The following TGM7 variants were observed in gnomAD, a reference collection of about 807,000 sequenced individuals.
TGM7 encodes transglutaminase 7.
Under a neutral mutation model 79.5 loss-of-function variants are expected in TGM7, and 74 were observed. That is an observed-to-expected ratio of 0.93 (90% CI 0.77 to 1.13). The LOEUF is 1.13. TGM7 is among the 50% of genes most tolerant of loss of function. TGM7 has a pLI of 0.00. For missense variants in TGM7, 912 were observed against 905.9 expected, an observed-to-expected ratio of 1.01 and a Z score of -0.09; for synonymous variants, 354 against 362.5, an observed-to-expected ratio of 0.98 and a Z score of 0.27.
intron 7 of TGM7, 51 bp from the exon 8 acceptor site, chr15:43,282,671 A>T: frequency 1.4e-6 from 2 of 1,431,760 alleles, no homozygotes; most frequent in Non-Finnish European, 1.9e-6. Flanking sequence ...AGGTTTTGCC[A>T]GGTACCAGGC....
At chr15:43,302,063 G>A in intron 1 of TGM7, 178 bp downstream of exon 1, 1 of 698,854 alleles carries the variant, frequency 1.4e-6, no homozygotes, top group Non-Finnish European at 2.5e-6. Flanking sequence ...TGTAGGATTT[G>A]TGCCCCAAGG....
At chr15:43,277,507 C>T (rs1210405491) in intron 11 of TGM7, among the ~76,000 whole-genome samples, 1 of 152,218 alleles carries the variant, frequency 6.6e-6, no homozygotes, top group Non-Finnish European at 1.5e-5. Flanking sequence ...AGAGCCAGGA[C>T]CTGACCCAGG....
At chr15:43,295,048 T>G (rs981657541) in intron 1 of TGM7, among the ~76,000 whole-genome samples, 13 of 152,186 alleles carry the variant, frequency 8.5e-5, no homozygotes, top group Admixed American at 8.5e-4. Flanking sequence ...ACCACAGTTA[T>G]GGGCTACCAT....
chr15:43,299,129 G>T (rs1416233837), intron 1 of TGM7, among the ~76,000 whole-genome samples: 1 of 152,152 alleles, frequency 6.6e-6, no homozygotes, highest in Non-Finnish European at 1.5e-5. Context: ...TTTCCTTTAG[G>T]TTTTTTGGCT....
At chr15:43,281,660 T>G (rs573848005) in intron 9 of TGM7, among the ~76,000 whole-genome samples, 184 bp downstream of exon 9, 344 of 152,330 alleles carry the variant, frequency 2.3e-3, no homozygotes, top group Non-Finnish European at 4.1e-3. Context: ...CTGGGCATCC[T>G]GTATTTTTAT....
At chr15:43,291,592 C>T (rs1208509860) in intron 4 of TGM7, among the ~76,000 whole-genome samples, 1 of 152,166 alleles carries the variant, frequency 6.6e-6, no homozygotes. Flanking sequence ...CTATTCTCAG[C>T]TCATGGGCTA....
At chr15:43,294,485 T>C (rs1447181628) in intron 1 of TGM7, among the ~76,000 whole-genome samples, 1 of 152,198 alleles carries the variant, frequency 6.6e-6, no homozygotes, top group Non-Finnish European at 1.5e-5. Context: ...TCCTACCTTA[T>C]AGGGTTCATG....
At chr15:43,287,718 C>T in intron 4 of TGM7, 49 bp from the exon 5 acceptor site, 1 of 1,570,822 alleles carries the variant, frequency 6.4e-7, no homozygotes, top group Non-Finnish European at 8.6e-7. Context: ...AATGTCTAGA[C>T]TTCTGAAACT....
intron 6 of TGM7, among the ~76,000 whole-genome samples, chr15:43,286,746 T>C (rs2042937489): frequency 6.6e-6 from 1 of 152,238 alleles, no homozygotes; most frequent in Non-Finnish European, 1.5e-5. Context: ...TCACAGATGG[T>C]CTGCTCAACA....
chr15:43,285,310 A>T (rs1318964745), intron 6 of TGM7, among the ~76,000 whole-genome samples: 1 of 152,174 alleles, frequency 6.6e-6, no homozygotes, highest in Non-Finnish European at 1.5e-5. Context: ...GCTGAGGCGG[A>T]TCACGAGGTC....
rs1447565061 is a variant in TGM7, at chr15:43,293,539, C to T, written c.103G>A (p.Val35Met). Residue 35 changes from valine (V) to methionine (M), a missense_variant, in exon 2 of 13, where the codon GTG becomes ATG. Transcript: ENST00000452443. ...AGGTAGAAGGGCTGGCCGCGGCGCA[C>T]AGTGAGCCGCTTGACGCCCATCTCC... ...TQEMGVKRLT[V>M]RRGQPFYLRL... The T allele has an allele frequency of 2.5e-6, 4 of 1,609,352 alleles. No individual in the cohort carries two copies. Among genetic ancestry groups the T allele is most frequent in the Admixed American group, 1.7e-5 (1 of 59,756 alleles).
intron 1 of TGM7, among the ~76,000 whole-genome samples, chr15:43,296,191 C>T (rs2042991180): frequency 1.3e-5 from 2 of 152,118 alleles, no homozygotes; most frequent in South Asian, 4.1e-4. Flanking sequence ...TTTGGGAGGC[C>T]AAGGCGGGCA....
chr15:43,280,361 C>T (rs1178479313), intron 9 of TGM7, among the ~76,000 whole-genome samples: 8 of 152,272 alleles, frequency 5.3e-5, no homozygotes, highest in African/African-American at 1.9e-4. Flanking sequence ...CAGTGGCTCA[C>T]ACCTGTAATC....
intron 9 of TGM7, among the ~76,000 whole-genome samples, chr15:43,281,309 G>A (rs1338223402): frequency 1.3e-5 from 2 of 152,208 alleles, no homozygotes; most frequent in African/African-American, 2.4e-5. Flanking sequence ...TGCGCCCTCC[G>A]TGGGGGTGTC....
chr15:43,282,342 G>A (rs1053005016), intron 8 of TGM7, among the ~76,000 whole-genome samples, 175 bp downstream of exon 8: 6 of 152,226 alleles, frequency 3.9e-5, no homozygotes, highest in East Asian at 1.9e-4. Context: ...TAACCCATCC[G>A]GGTGACTCTG....
intron 6 of TGM7, 104 bp from the exon 7 acceptor site, chr15:43,285,056 C>A: frequency 9.6e-6 from 13 of 1,360,692 alleles, no homozygotes; most frequent in Non-Finnish European, 1.3e-5. Context: ...AAAGCCAAGA[C>A]GCTTACGGAA....
chr15:43,293,605 C>T lies in TGM7; in HGVS notation c.37G>A (p.Asp13Asn). Residue 13 changes from aspartate to asparagine, a missense_variant, in exon 2 of 13, where the codon GAC (aspartate) becomes AAC (asparagine). Physicochemically the swap from Asp to Asn is conservative, Grantham distance 23. Coordinates refer to ENST00000452443, the MANE Select transcript of TGM7 (RefSeq NM_052955.3). ...QVATLRLESV[D>N]LQSSRNNKEH... ...TTGTTGTTCCTGGAGCTCTGCAGGT[C>T]GACAGACTCAAGCCGCAAGGTTGCC... 1 of 1,607,524 alleles carries T rather than the reference C, an allele frequency of 6.2e-7. No homozygotes were observed. The highest frequency in any genetic ancestry group is 8.5e-7 in the Non-Finnish European group (1 of 1,178,450).
intron 1 of TGM7, among the ~76,000 whole-genome samples, chr15:43,297,637 A>AAAGAAAG (rs1566848011): frequency 7.9e-5 from 10 of 127,144 alleles, no homozygotes; most frequent in African/African-American, 1.3e-4. Flanking sequence ...AAGAAAGAAA[A>AAAGAAAG]AGAAAGAAAG....
In TGM7 at chr15:43,293,449, C is replaced by CG; in HGVS notation, c.192dup (p.Gly65ArgfsTer29). 1 of 1,595,830 alleles carries CG rather than the reference C, an allele frequency of 6.3e-7. No homozygotes were observed. Among genetic ancestry groups the CG allele is most frequent in the Non-Finnish European group, 8.6e-7 (1 of 1,168,040 alleles). ...GGGCCTTGGGACAGGGCAAACTCAC[C>CG]GGTCTCAGCCACAAAGGTGATGTGG... is the stretch of plus-strand genomic sequence containing the variant. On this transcript the variant is annotated frameshift_variant and splice_region_variant, in exon 2 of 13. Coordinates refer to ENST00000452443, the MANE Select transcript of TGM7 (RefSeq NM_052955.3). LOFTEE classifies it high-confidence loss of function.
Sources: allele counts gnomAD v4.1 joint callset (sites outside exome capture counted in the v4.1 genomes callset), GRCh38; gene constraint gnomAD v4.1.1; transcripts MANE v1.5; gene names NCBI Gene and HGNC (gene_info 2026-07-23, HGNC 2026-07-21).